Variants in EZH1 observed in about 807,000 individuals in gnomAD.
The protein encoded by EZH1 is enhancer of zeste 1 polycomb repressive complex 2 subunit.
In EZH1, 33 loss-of-function variants were observed where a neutral mutation model predicts 100.5. The ratio of observed to expected loss-of-function variants is 0.33; its 90% CI spans 0.25 to 0.44. The LOEUF is 0.44. EZH1 is among the 20% of genes least tolerant of loss of function. The pLI, the probability that EZH1 is intolerant of heterozygous loss-of-function variation, is 1.00. For synonymous variants in EZH1, 272 were observed against 313.8 expected, an observed-to-expected ratio of 0.87 and a Z score of 1.41; for missense variants, 475 against 928.4, an observed-to-expected ratio of 0.51 and a Z score of 6.35.
Position 42,700,862 on chromosome 17 carries a change from G to A in EZH1, c.*1670C>T, listed in dbSNP as rs1179984420. 2.0e-5 allele frequency: 3 copies of A among 152,568 alleles called. No individual in the cohort carries two copies. The highest frequency in any genetic ancestry group is 7.2e-5 in the African/African-American group (3 of 41,430). 9.5% of individuals were successfully genotyped at this position (152,568 alleles called of 1,614,324 possible). A position where few individuals can be genotyped will look rare whatever the true frequency, so the allele number is the denominator to read the frequency against. On this transcript the variant is annotated 3_prime_UTR_variant, in exon 21 of 21. Transcript: ENST00000428826. ...GTGTGGTGAGTGAGAGCATGTGAGT[G>A]TGTGTGCATGTCCCATACCAAACCG... is the stretch of plus-strand genomic sequence containing the variant.
At chr17:42,712,152 G>C in intron 12 of EZH1, 137 bp downstream of exon 12, 1 of 906,070 alleles carries the variant, frequency 1.1e-6, no homozygotes, top group Admixed American at 2.5e-5. Context: ...ACTCACAGAA[G>C]CACAGGCTCA....
At chr17:42,703,900 A>C (rs2053296113) in intron 18 of EZH1, 80 bp from the exon 19 acceptor site, 2 of 1,021,258 alleles carry the variant, frequency 2.0e-6, no homozygotes, top group East Asian at 4.8e-5. Context: ...AAATCAGTTA[A>C]ATGGTAACAG....
intron 10 of EZH1, among the ~76,000 whole-genome samples, chr17:42,717,549 G>C (rs1223076385): frequency 6.6e-6 from 1 of 152,150 alleles, no homozygotes; most frequent in Admixed American, 6.5e-5. Context: ...CTTAAGGTCT[G>C]TCCATCAGGG....
In EZH1 at chr17:42,713,055, A is replaced by AAAG. The variant is rs2053521252; in HGVS notation, c.1204+153_1204+154insCTT. ...ACTGTTTCAAAAAAAAAAAAAAAAA[A>AAAG]AAAGAAAATATTCCCCATCTTTACT... On this transcript the variant is annotated intron_variant, in intron 11 of 20. Transcript: ENST00000428826. Among the ~76,000 whole-genome samples the AAAG allele has an allele frequency of 2.8e-5, 4 of 140,908 alleles. No homozygotes were observed. The South Asian group carries it at 1.0e-3, about 36-fold the overall frequency. 92.4% of individuals were successfully genotyped at this position (140,908 alleles called of 152,430 possible).
At position 42,706,284 on chromosome 17, in the gene EZH1, C is replaced by T. The variant is rs1464837581; in HGVS notation, c.1661-99G>A. 1 of 1,172,860 alleles carries T rather than the reference C, an allele frequency of 8.5e-7. No individual in the cohort carries two copies. Among genetic ancestry groups the T allele is most frequent in the Non-Finnish European group, 1.1e-6 (1 of 873,850 alleles). 72.7% of individuals were successfully genotyped at this position (1,172,860 alleles called of 1,614,324 possible). A position where few individuals can be genotyped will look rare whatever the true frequency, so the allele number is the denominator to read the frequency against. ...AGCAAAGAAGTAAATTTTTTGTGTT[C>T]AAGGATGTTTGGCAAAATAAGAGGA... is the stretch of plus-strand genomic sequence containing the variant. On this transcript the variant is annotated intron_variant, in intron 15 of 20. Transcript: ENST00000428826. This position sits in a 1 kb window ranked among gnomAD's most constrained non-coding sequence, Gnocchi z 4.4.
chr17:42,727,219 T>A (rs1372339236), intron 4 of EZH1, among the ~76,000 whole-genome samples: 2 of 152,200 alleles, frequency 1.3e-5, no homozygotes, highest in Admixed American at 1.3e-4. Context: ...TAGCTGTATC[T>A]ATTAACCTTA....
At chr17:42,715,908 G>A (rs767746937) in intron 10 of EZH1, among the ~76,000 whole-genome samples, 4 of 151,992 alleles carry the variant, frequency 2.6e-5, no homozygotes, top group East Asian at 1.9e-4. Context: ...TTAGCTGGGC[G>A]TGGTGGCGCA....
At chr17:42,714,475 A>G (rs1206772950) in intron 10 of EZH1, 6 of 298,364 alleles carry the variant, frequency 2.0e-5, no homozygotes, top group Admixed American at 1.6e-4. Flanking sequence ...GTGCTATGAG[A>G]CCTAAAGTTC....
intron 15 of EZH1, 39 bp downstream of exon 15, chr17:42,707,919 C>A (rs754109138): frequency 1.9e-6 from 3 of 1,612,492 alleles, no homozygotes; most frequent in Non-Finnish European, 8.5e-7. Context: ...CTGGAGCCAA[C>A]TGTTTTGGTA....
intron 10 of EZH1, among the ~76,000 whole-genome samples, chr17:42,715,359 C>T (rs1188525947): frequency 6.6e-6 from 1 of 150,930 alleles, no homozygotes; most frequent in Non-Finnish European, 1.5e-5. Flanking sequence ...GCAGCCTTGA[C>T]CTTCTAGGCT....
At chr17:42,736,583 C>A (rs1230345744) in intron 1 of EZH1, among the ~76,000 whole-genome samples, 1 of 152,102 alleles carries the variant, frequency 6.6e-6, no homozygotes, top group Non-Finnish European at 1.5e-5. Flanking sequence ...GCCTGTAATC[C>A]CAGCACTTTG....
At position 42,720,399 on chromosome 17, in the gene EZH1, C is replaced by T. The variant is rs1015592884; in HGVS notation, c.538G>A (p.Val180Ile). The T allele has an allele frequency of 6.2e-7, 1 of 1,613,754 alleles. No homozygotes were observed. The highest frequency in any genetic ancestry group is 8.5e-7 in the Non-Finnish European group (1 of 1,179,982). The stretch of plus-strand genomic sequence containing the variant: ...TCTGAGTACTGATTCAGGGCATCGA[C>T]CAACTCCAGAAAAACAGCATCACTA... ...LISDAVFLELVDALNQYSDEE... is the reference protein window; with the variant it reads ...LISDAVFLELIDALNQYSDEE... The change falls in exon 7 of 21, where the codon GTC (valine) becomes ATC (isoleucine). Residue 180 changes from valine to isoleucine, a missense_variant. By Grantham distance (29) the Val-to-Ile change is conservative. Coordinates refer to ENST00000428826, the MANE Select transcript of EZH1 (RefSeq NM_001991.5).
In EZH1 at chr17:42,723,027, C is replaced by T. The variant is rs532894892; in HGVS notation, c.367-112G>A. On this transcript the variant is annotated intron_variant, in intron 5 of 20. Coordinates refer to ENST00000428826, the MANE Select transcript of EZH1 (RefSeq NM_001991.5). ...TTGTTGCTTGAGTCTCCTGAAAATG[C>T]CTTTGTCCCAGAGTTTCCTGCATTT... is the stretch of plus-strand genomic sequence containing the variant. 2.9e-5 allele frequency: 41 copies of T among 1,426,586 alleles called. No homozygotes were observed. The African/African-American group carries it at 5.4e-4, about 19-fold the overall frequency. The allele number at this position is 1,426,586 out of a possible 1,614,324, so 88.4% of individuals were successfully genotyped here. A position where few individuals can be genotyped will look rare whatever the true frequency, so the allele number is the denominator to read the frequency against.
At chr17:42,704,710 G>A (rs2053315036) in intron 17 of EZH1, 27 bp from the exon 18 acceptor site, 1 of 1,596,550 alleles carries the variant, frequency 6.3e-7, no homozygotes, top group Non-Finnish European at 8.6e-7. Flanking sequence ...ATAACAAATA[G>A]GAGTATCAGG....
intron 1 of EZH1, among the ~76,000 whole-genome samples, chr17:42,740,300 T>G (rs1165712197): frequency 3.3e-5 from 5 of 149,866 alleles, no homozygotes; most frequent in Non-Finnish European, 7.4e-5. Context: ...AGTGCAGTGG[T>G]GCAATCTCAG....
chr17:42,709,624 T>C, intron 13 of EZH1: 1 of 481,800 alleles, frequency 2.1e-6, no homozygotes, highest in Non-Finnish European at 3.7e-6. Flanking sequence ...AAACAGACAG[T>C]TATGGTCCAC....
At chr17:42,710,862 A>G (rs1158854847) in intron 12 of EZH1, among the ~76,000 whole-genome samples, 2 of 143,898 alleles carry the variant, frequency 1.4e-5, no homozygotes, top group African/African-American at 5.2e-5. Context: ...GCTTCAAGCG[A>G]TCCTCCCACC....
Position 42,713,332 on chromosome 17 carries a change from G to A in EZH1, c.1081C>T (p.Arg361Cys). Residue 361 changes from arginine to cysteine, a missense_variant, in exon 11 of 21, where the codon CGC becomes TGC. Physicochemically the swap from Arg to Cys is radical, Grantham distance 180. Coordinates refer to ENST00000428826, the MANE Select transcript of EZH1 (RefSeq NM_001991.5). ...CTGACTATGTGGTGCCTTCTCCGGC[G>A]ACGACCAGAGCACTTGGAGCGGGGG... ...HNPRSKCSGR[R>C]RRRHHIVSAS... is the part of the protein sequence containing the mutation. 1 of 1,612,332 alleles carries A rather than the reference G, an allele frequency of 6.2e-7. No homozygotes were observed.
intron 6 of EZH1, among the ~76,000 whole-genome samples, chr17:42,722,263 G>A (rs2053722832): frequency 6.6e-6 from 1 of 150,828 alleles, no homozygotes; most frequent in Non-Finnish European, 1.5e-5. Context: ...GCTACAATAA[G>A]CTATGATCAT....
Sources: gnomAD v4.1 joint callset for allele counts (sites outside exome capture counted in the v4.1 genomes callset) on GRCh38, gnomAD v4.1.1 for gene constraint, Gnocchi (gnomAD v3.1) non-coding constraint, MANE v1.5 for transcripts, NCBI Gene and HGNC (gene_info 2026-07-23, HGNC 2026-07-21) for gene names.